The following SGO2 variants were observed in gnomAD, a reference collection of about 807,000 sequenced individuals.
SGO2 encodes shugoshin 2.
Under a neutral mutation model 99.5 loss-of-function variants are expected in SGO2, and 68 were observed. The ratio of observed to expected loss-of-function variants is 0.68; its 90% confidence interval spans 0.56 to 0.84. SGO2 has a LOEUF of 0.84. SGO2 is among the 40% of genes least tolerant of loss of function. The probability of loss-of-function intolerance (pLI) is 0.00; values close to 1 mark genes in which losing one functional copy is unlikely to be tolerated. For missense variants in SGO2, 1,350 were observed against 1,436.7 expected, an observed-to-expected ratio of 0.94 and a Z score of 0.97; for synonymous variants, 457 against 487.1, an observed-to-expected ratio of 0.94 and a Z score of 0.81.
intron 5 of SGO2, among the ~76,000 whole-genome samples, chr2:200,569,022 T>C (rs2033295283): frequency 1.3e-5 from 2 of 152,108 alleles, no homozygotes; most frequent in South Asian, 4.1e-4. Flanking sequence ...ATTTTATTTT[T>C]CTTATTATAA....
At position 200,570,506 on chromosome 2, in the gene SGO2, G is replaced by GTGTC. The variant is rs2033363639; in HGVS notation, c.704-541_704-540insCTGT. Among the ~76,000 whole-genome samples the GTGTC allele has an allele frequency of 6.6e-6, 1 of 150,468 alleles. No individual in the cohort carries two copies. Among genetic ancestry groups the GTGTC allele is most frequent in the African/African-American group, 2.4e-5 (1 of 40,976 alleles). Reference sequence around the variant, plus strand: ...TGTGTGTGTGTGTGTGTGTGTGTGTGTGTGGGCATATGTATATGTATATAA... The same window carrying GTGTC: ...TGTGTGTGTGTGTGTGTGTGTGTGTGTGTCTGTGGGCATATGTATATGTATATAA... On this transcript the variant is annotated intron_variant, in intron 6 of 8. Coordinates refer to ENST00000357799, the MANE Select transcript of SGO2 (RefSeq NM_152524.6). The surrounding 1 kb of genome is among the most constrained non-coding windows in gnomAD (Gnocchi z 4.4).
intron 8 of SGO2, among the ~76,000 whole-genome samples, chr2:200,580,068 A>G (rs915233530): frequency 2.0e-5 from 3 of 152,146 alleles, no homozygotes; most frequent in Non-Finnish European, 2.9e-5. Flanking sequence ...TGTGTGGGAT[A>G]GTTCCTTAAT....
intron 4 of SGO2, among the ~76,000 whole-genome samples, chr2:200,540,327 A>G (rs2031903873): frequency 6.6e-6 from 1 of 152,150 alleles, no homozygotes; most frequent in African/African-American, 2.4e-5. Context: ...TCTTATTTCC[A>G]TCTTGTGTTT....
At chr2:200,547,719 G>A (rs1385280709) in intron 5 of SGO2, among the ~76,000 whole-genome samples, 1 of 152,064 alleles carries the variant, frequency 6.6e-6, no homozygotes, top group Non-Finnish European at 1.5e-5. Flanking sequence ...TAGCTGAATG[G>A]ATAAATAAAT....
chr2:200,576,207 C>A, intron 8 of SGO2: 1 of 226,010 alleles, frequency 4.4e-6, no homozygotes, highest in Non-Finnish European at 8.8e-6. Context: ...AAATTAAGGA[C>A]CAAGGGGCCT....
chr2:200,560,778 T>G (rs955065487), intron 5 of SGO2, among the ~76,000 whole-genome samples: 1 of 152,180 alleles, frequency 6.6e-6, no homozygotes, highest in Non-Finnish European at 1.5e-5. Flanking sequence ...CCTCATGGGA[T>G]GAGAAGCATT....
In SGO2 at chr2:200,533,016, C is replaced by T. The variant is rs1022842499; in HGVS notation, c.41C>T (p.Ser14Leu). The T allele has an allele frequency of 5.6e-6, 9 of 1,608,924 alleles. No homozygotes were observed. The highest frequency in any genetic ancestry group is 1.7e-5 in the Admixed American group (1 of 58,974). The change falls in exon 2 of 9, where the codon TCA becomes TTA. Residue 14 changes from serine (S) to leucine (L), a missense_variant. Coordinates refer to ENST00000357799, the MANE Select transcript of SGO2 (RefSeq NM_152524.6). ...ATGGAAACTGGCTCACTTTTTACCT[C>T]AGGAATTAAGAGACATTTGAAAGAC... is the stretch of plus-strand genomic sequence containing the variant. ...PVMETGSLFT[S>L]GIKRHLKDKR...
At chr2:200,548,075 TAGAC>T (rs753325482) in intron 5 of SGO2, among the ~76,000 whole-genome samples, 25 of 149,508 alleles carry the variant, frequency 1.7e-4, no homozygotes, top group Admixed American at 4.7e-4. Context: ...CTCTCAGTAA[TAGAC>T]AGATCATCCA....
At chr2:200,532,502 C>A (rs774791937) in intron 1 of SGO2, 62 of 937,542 alleles carry the variant, frequency 6.6e-5, no homozygotes, top group Non-Finnish European at 7.8e-5. Flanking sequence ...GTAATGATTT[C>A]TTTATCTTCC....
intron 5 of SGO2, among the ~76,000 whole-genome samples, chr2:200,553,794 C>T (rs543429519): frequency 5.9e-5 from 9 of 152,246 alleles, no homozygotes; most frequent in East Asian, 5.8e-4. Context: ...TTGTACCCTC[C>T]GATACCTATA....
At chr2:200,558,116 G>A (rs1298777400) in intron 5 of SGO2, among the ~76,000 whole-genome samples, 6 of 152,004 alleles carry the variant, frequency 3.9e-5, no homozygotes, top group Middle Eastern at 3.2e-3. Context: ...GTCCACCTTC[G>A]CCTTCCAAAA....
At chr2:200,557,732 A>AT in intron 5 of SGO2, among the ~76,000 whole-genome samples, 1 of 152,040 alleles carries the variant, frequency 6.6e-6, no homozygotes, top group Non-Finnish European at 1.5e-5. Context: ...TGTGAATAAA[A>AT]TTTTACTATT....
intron 5 of SGO2, among the ~76,000 whole-genome samples, chr2:200,559,302 T>G (rs1186761401): frequency 6.6e-6 from 1 of 152,196 alleles, no homozygotes; most frequent in Non-Finnish European, 1.5e-5. Context: ...CTCAGTATTG[T>G]TATTTGTGTT....
intron 4 of SGO2, among the ~76,000 whole-genome samples, 187 bp downstream of exon 4, chr2:200,536,329 T>C (rs574987407): frequency 6.6e-6 from 1 of 152,202 alleles, no homozygotes; most frequent in South Asian, 2.1e-4. Context: ...AAATGTCATA[T>C]GAAAATTAGG....
At chr2:200,547,294 C>CA (rs1321761483) in intron 5 of SGO2, among the ~76,000 whole-genome samples, 2 of 152,136 alleles carry the variant, frequency 1.3e-5, no homozygotes, top group African/African-American at 4.8e-5. Context: ...AATTGTCATG[C>CA]AAATTTAAAG....
At position 200,526,378 on chromosome 2, in the gene SGO2, C is replaced by T. The variant is rs1409963863; in HGVS notation, c.-3+126C>T. 1 of 152,442 alleles carries T rather than the reference C, an allele frequency of 6.6e-6. No individual in the cohort carries two copies. The highest frequency in any genetic ancestry group is 1.9e-4 in the East Asian group (1 of 5,180). The allele number at this position is 152,442 out of a possible 1,614,324, so 9.4% of individuals were successfully genotyped here. On this transcript the variant is annotated intron_variant, in intron 1 of 8. Transcript: ENST00000357799. This position sits in a 1 kb window ranked among gnomAD's most constrained non-coding sequence, Gnocchi z 4.8. ...CGGCTCGTCTTCCGCCCTCTGTCCT[C>T]CGGGATCCGGGACGGCGGCCCCTCT...
intron 5 of SGO2, 141 bp downstream of exon 5, chr2:200,542,805 C>G: frequency 1.7e-6 from 1 of 603,592 alleles, no homozygotes; most frequent in South Asian, 3.3e-5. Context: ...TTTGTAGTGT[C>G]TTGCTATAGG....
intron 5 of SGO2, among the ~76,000 whole-genome samples, chr2:200,552,862 G>A (rs1208410175): frequency 6.6e-6 from 1 of 152,084 alleles, no homozygotes; most frequent in African/African-American, 2.4e-5. Context: ...TCCTGGGAGT[G>A]CAGCCCAGAA....
chr2:200,544,467 G>A (rs1349756976), intron 5 of SGO2, among the ~76,000 whole-genome samples: 1 of 151,934 alleles, frequency 6.6e-6, no homozygotes, highest in Non-Finnish European at 1.5e-5. Flanking sequence ...TTTTTAATAG[G>A]GACAGGATTT....
Sources: allele counts gnomAD v4.1 joint callset (sites outside exome capture counted in the v4.1 genomes callset), GRCh38; gene constraint gnomAD v4.1.1; non-coding constraint Gnocchi (gnomAD v3.1); transcripts MANE v1.5; gene names NCBI Gene and HGNC (gene_info 2026-07-23, HGNC 2026-07-21).